The following CARMIL1 variants were observed in gnomAD, a reference collection of about 807,000 sequenced individuals.
The protein encoded by CARMIL1 is F-actin-uncapping protein LRRC16A.
CARMIL1 carries 90 observed loss-of-function variants against 177.1 expected under a neutral mutation model. That is an observed-to-expected ratio of 0.51 (90% CI 0.43 to 0.61). The LOEUF is 0.61. Among genes scored for constraint, CARMIL1 ranks in the 20% least tolerant of loss-of-function variants. The pLI is 0.00. For synonymous variants in CARMIL1, 577 were observed against 606.2 expected (o/e 0.95, Z 0.71); for missense variants, 1,380 against 1,667.0 (o/e 0.83, Z 3.00).
chr6:25,451,747 AGTAGCAGGG>A (rs375130323), intron 8 of CARMIL1, among the ~76,000 whole-genome samples: 20 of 152,110 alleles, frequency 1.3e-4, no homozygotes, highest in African/African-American at 4.6e-4. Context: ...GCTACTTATT[AGTAGCAGGG>A]GTAGCAGGGG....
At chr6:25,395,228 G>A (rs935158752) in intron 2 of CARMIL1, among the ~76,000 whole-genome samples, 3 of 152,174 alleles carry the variant, frequency 2.0e-5, no homozygotes, top group African/African-American at 7.2e-5. Context: ...TTGTCGGGAC[G>A]GCGGTGCAAG....
chr6:25,300,968 T>C (rs1782816264), intron 2 of CARMIL1, among the ~76,000 whole-genome samples: 1 of 152,220 alleles, frequency 6.6e-6, no homozygotes, highest in African/African-American at 2.4e-5. Context: ...AGACAGATCA[T>C]GCTAAGTGTG....
intron 2 of CARMIL1, among the ~76,000 whole-genome samples, chr6:25,410,677 TC>T (rs1377920420): frequency 6.6e-6 from 1 of 152,190 alleles, no homozygotes; most frequent in Non-Finnish European, 1.5e-5. Flanking sequence ...GTCAATTTGT[TC>T]CACGAGGGCA....
intron 11 of CARMIL1, among the ~76,000 whole-genome samples, chr6:25,477,852 CTT>C (rs56068417): frequency 8.2e-5 from 8 of 98,020 alleles, no homozygotes; most frequent in South Asian, 3.6e-4. Flanking sequence ...CTTCTCATCA[CTT>C]TTTTTTTTTT....
At chr6:25,484,975 C>T (rs1441120613) in intron 12 of CARMIL1, among the ~76,000 whole-genome samples, 1 of 152,120 alleles carries the variant, frequency 6.6e-6, no homozygotes, top group African/African-American at 2.4e-5. Context: ...TTTCAGGTTG[C>T]AGTGAGCTAT....
At chr6:25,533,392 C>A (rs1042326145) in intron 24 of CARMIL1, among the ~76,000 whole-genome samples, 23 of 152,194 alleles carry the variant, frequency 1.5e-4, no homozygotes, top group African/African-American at 5.5e-4. Context: ...TAGTCACTTA[C>A]TCACCTCTTT....
In CARMIL1 at chr6:25,558,637, G is replaced by T. The variant is rs1431064755; in HGVS notation, c.2742+1787G>T. ...ATTGTAAAAACATTCATGTTGCCATGATGCCTAAAGAGGCAGGAGTAGATG... is the reference window on the plus strand; with the variant it reads ...ATTGTAAAAACATTCATGTTGCCATTATGCCTAAAGAGGCAGGAGTAGATG... On this transcript the variant is annotated intron_variant, in intron 29 of 36. Transcript: ENST00000329474. The surrounding 1 kb of genome is among the most constrained non-coding windows in gnomAD (Gnocchi z 4.1). Among the ~76,000 whole-genome samples the T allele has an allele frequency of 6.6e-6, 1 of 152,178 alleles. No individual in the cohort carries two copies. The highest frequency in any genetic ancestry group is 6.5e-5 in the Admixed American group (1 of 15,280).
At chr6:25,320,629 C>G (rs553134312) in intron 2 of CARMIL1, among the ~76,000 whole-genome samples, 1 of 152,124 alleles carries the variant, frequency 6.6e-6, no homozygotes, top group Non-Finnish European at 1.5e-5. Flanking sequence ...GTGACCTCTT[C>G]CTGCAGGCTG....
At chr6:25,551,577 C>G (rs1000482593) in intron 27 of CARMIL1, among the ~76,000 whole-genome samples, 34 of 151,998 alleles carry the variant, frequency 2.2e-4, no homozygotes, top group African/African-American at 7.7e-4. Context: ...CAGTGTTTAC[C>G]TAGATTTCTG....
chr6:25,461,720 G>GT (rs1177441850), intron 8 of CARMIL1, among the ~76,000 whole-genome samples: 1 of 152,204 alleles, frequency 6.6e-6, no homozygotes, highest in Non-Finnish European at 1.5e-5. Context: ...CAGATGTCAA[G>GT]TATCTGTTAA....
chr6:25,374,720 C>G (rs1000291373), intron 2 of CARMIL1, among the ~76,000 whole-genome samples: 1 of 152,082 alleles, frequency 6.6e-6, no homozygotes, highest in South Asian at 2.1e-4. Context: ...GCATGTATAT[C>G]TAGGATTGTA....
In CARMIL1 at chr6:25,495,195, A is replaced by G. The variant is rs780578982; in HGVS notation, c.1305A>G (p.Lys435=). The change falls in exon 16 of 37, where the codon AAA becomes AAG. Residue 435 remains lysine (K), a synonymous_variant. Coordinates refer to ENST00000329474, the MANE Select transcript of CARMIL1 (RefSeq NM_017640.6). ...TGCACATCAACCTTTCAGGCACAAA[A>G]CTGTCTCCTGAGCCCTTAAAGTGAG... ...ALMHINLSGT[K]LSPEPLKALL... The G allele has an allele frequency of 6.2e-6, 10 of 1,612,176 alleles. No homozygotes were observed. The highest frequency in any genetic ancestry group is 3.3e-5 in the South Asian group (3 of 90,864).
chr6:25,383,280 T>C (rs1019598650), intron 2 of CARMIL1, among the ~76,000 whole-genome samples: 2 of 152,166 alleles, frequency 1.3e-5, no homozygotes, highest in African/African-American at 2.4e-5. Context: ...GAAATGTCTT[T>C]ATAAGGTTTC....
intron 36 of CARMIL1, among the ~76,000 whole-genome samples, chr6:25,613,811 T>C (rs1290716440): frequency 3.3e-5 from 5 of 152,190 alleles, no homozygotes; most frequent in Non-Finnish European, 2.9e-5. Flanking sequence ...TTTCTTCCTG[T>C]TAAACCATAT....
chr6:25,484,383 G>C (rs944008927), intron 12 of CARMIL1, among the ~76,000 whole-genome samples: 2 of 152,196 alleles, frequency 1.3e-5, no homozygotes, highest in African/African-American at 4.8e-5. Context: ...AGAATGGTTT[G>C]AAATTGAGAT....
intron 17 of CARMIL1, among the ~76,000 whole-genome samples, chr6:25,508,638 C>G (rs762483365): frequency 5.9e-5 from 9 of 152,192 alleles, no homozygotes; most frequent in Non-Finnish European, 2.9e-5. Context: ...AAAACCTAGA[C>G]ATGTGGAAAA....
At position 25,574,304 on chromosome 6, in the gene CARMIL1, A is replaced by C. The variant is rs184697422; in HGVS notation, c.2743-6620A>C. ...ATTACAAAAATTACTCACAAATGCC[A>C]AATACCTGTGTTCCTAACACCCTGA... On this transcript the variant is annotated intron_variant, in intron 29 of 36. Transcript: ENST00000329474. Among the ~76,000 whole-genome samples, 8 of 152,338 alleles carry C rather than the reference A, an allele frequency of 5.3e-5. No homozygotes were observed. In the East Asian group the frequency reaches 1.3e-3, roughly 26 times the overall value.
At chr6:25,424,849 A>G (rs891868788) in intron 3 of CARMIL1, among the ~76,000 whole-genome samples, 3 of 152,180 alleles carry the variant, frequency 2.0e-5, no homozygotes, top group Non-Finnish European at 2.9e-5. Context: ...AGAGACTTAA[A>G]TTGGAAGCTG....
chr6:25,519,621 A>T (rs998862909), intron 22 of CARMIL1, among the ~76,000 whole-genome samples: 2 of 152,224 alleles, frequency 1.3e-5, no homozygotes, highest in African/African-American at 2.4e-5. Context: ...ACTCAAGCTG[A>T]AAGGACCTGC....
Sources: allele counts gnomAD v4.1 joint callset (sites outside exome capture counted in the v4.1 genomes callset), GRCh38; gene constraint gnomAD v4.1.1; non-coding constraint Gnocchi (gnomAD v3.1); transcripts MANE v1.5; gene names NCBI Gene and HGNC (gene_info 2026-07-23, HGNC 2026-07-21).